The following MACROD2 variants were observed in gnomAD, a reference collection of about 807,000 sequenced individuals.
MACROD2 encodes the protein ADP-ribose glycohydrolase MACROD2.
In MACROD2, 36 loss-of-function variants were observed where a neutral mutation model predicts 70.4. The ratio of observed to expected loss-of-function variants is 0.51; its 90% CI spans 0.39 to 0.68. The LOEUF (loss-of-function observed/expected upper bound fraction) is 0.68, where lower values mean the gene tolerates loss of function less well. MACROD2 is among the 30% of genes least tolerant of loss of function. MACROD2 has a pLI of 0.00. For synonymous variants in MACROD2, 172 were observed against 178.8 expected (o/e 0.96, Z 0.30); for missense variants, 496 against 538.4 (o/e 0.92, Z 0.78).
At chr20:14,189,152 G>A (rs1320049833) in intron 3 of MACROD2, among the ~76,000 whole-genome samples, 1 of 151,650 alleles carries the variant, frequency 6.6e-6, no homozygotes, top group East Asian at 1.9e-4. Context: ...AAATTTAATG[G>A]TACATTATTA....
intron 3 of MACROD2, among the ~76,000 whole-genome samples, chr20:14,484,876 A>G (rs1296106613): frequency 1.3e-5 from 2 of 152,320 alleles, no homozygotes; most frequent in East Asian, 1.9e-4. Flanking sequence ...AATCTTGGCT[A>G]TTGTGAATAG....
In MACROD2 at chr20:15,886,373, G is replaced by A. The variant is rs562327611; in HGVS notation, c.775+562G>A. On this transcript the variant is annotated intron_variant, in intron 10 of 17. Coordinates refer to ENST00000684519, the MANE Select transcript of MACROD2 (RefSeq NM_001351661.2). The stretch of plus-strand genomic sequence containing the variant: ...CCAAAATGAGCTTCTCCTGGAAAAA[G>A]GGAGACACTGTATTCTCAGGCTTAG... 2.6e-5 allele frequency among the ~76,000 whole-genome samples: 4 copies of A among 152,232 alleles called. No homozygotes were observed. The South Asian group carries it at 8.3e-4, about 32-fold the overall frequency.
intron 8 of MACROD2, among the ~76,000 whole-genome samples, chr20:15,768,781 CT>C (rs2051571498): frequency 1.3e-5 from 2 of 152,068 alleles, no homozygotes; most frequent in African/African-American, 4.8e-5. Context: ...ATTCCGTAAG[CT>C]TTTTTCCATT....
chr20:15,800,671 AC>A (rs1282498917), intron 8 of MACROD2, among the ~76,000 whole-genome samples: 1 of 151,660 alleles, frequency 6.6e-6, no homozygotes, highest in Non-Finnish European at 1.5e-5. Context: ...CCCGGCCACC[AC>A]CCCGTCTGGG....
chr20:15,772,101 A>AAT (rs201468504), intron 8 of MACROD2, among the ~76,000 whole-genome samples: 48 of 91,416 alleles, frequency 5.3e-4, no homozygotes, highest in East Asian at 2.6e-3. Flanking sequence ...AAAAAAAAAA[A>AAT]ATATATATAT....
At position 14,838,051 on chromosome 20, in the gene MACROD2, T is replaced by C. The variant is rs757470802; in HGVS notation, c.418+153092T>C. 6.6e-5 allele frequency among the ~76,000 whole-genome samples: 10 copies of C among 152,096 alleles called. 1 individual carries two copies. Among genetic ancestry groups the C allele is most frequent in the Non-Finnish European group, 1.0e-4 (7 of 67,972 alleles). ...TTGGGCAAAAATAGTAGTTAACATA[T>C]GTAAAACAAGGAGAATTGTTCAAAG... On this transcript the variant is annotated intron_variant, in intron 5 of 17. Coordinates refer to ENST00000684519, the MANE Select transcript of MACROD2 (RefSeq NM_001351661.2).
intron 12 of MACROD2, among the ~76,000 whole-genome samples, chr20:15,953,825 C>T (rs865917170): frequency 1.3e-5 from 2 of 152,066 alleles, no homozygotes; most frequent in African/African-American, 4.8e-5. Context: ...TATTTGAAGT[C>T]GTTCCCTCAA....
At position 14,178,532 on chromosome 20, in the gene MACROD2, G is replaced by A. The variant is rs556414534; in HGVS notation, c.271+92804G>A. ...CTCATTTGTGAGAAAAACATATACA[G>A]GAGTTAATAGGTAAGACTCTGAAGA... is the stretch of plus-strand genomic sequence containing the variant. On this transcript the variant is annotated intron_variant, in intron 3 of 17. Coordinates refer to ENST00000684519, the MANE Select transcript of MACROD2 (RefSeq NM_001351661.2). 1.2e-4 allele frequency among the ~76,000 whole-genome samples: 18 copies of A among 152,192 alleles called. No individual in the cohort carries two copies. The East Asian group carries it at 2.3e-3, about 20-fold the overall frequency.
At chr20:14,528,421 T>G (rs927412337) in intron 4 of MACROD2, among the ~76,000 whole-genome samples, 22 of 151,972 alleles carry the variant, frequency 1.4e-4, no homozygotes, top group African/African-American at 5.3e-4. Context: ...CCCAAAGTGC[T>G]GGGATTACAG....
chr20:14,190,710 T>A (rs1279551407), intron 3 of MACROD2, among the ~76,000 whole-genome samples: 247 of 94,854 alleles, frequency 2.6e-3, no homozygotes, highest in South Asian at 5.5e-3. Context: ...TTTTTTTTTT[T>A]TTTTTTTTTT....
At chr20:15,241,828 T>A (rs1260770103) in intron 6 of MACROD2, among the ~76,000 whole-genome samples, 1 of 151,916 alleles carries the variant, frequency 6.6e-6, no homozygotes, top group East Asian at 1.9e-4. Context: ...CTTGGGCTAT[T>A]TGGCTACCCT....
chr20:15,719,901 T>C, intron 8 of MACROD2, among the ~76,000 whole-genome samples: 1 of 152,300 alleles, frequency 6.6e-6, no homozygotes, highest in South Asian at 2.1e-4. Context: ...ACTTACTCTT[T>C]TTTTCTAATT....
At chr20:14,751,966 T>C (rs913100467) in intron 5 of MACROD2, among the ~76,000 whole-genome samples, 21 of 152,012 alleles carry the variant, frequency 1.4e-4, no homozygotes, top group African/African-American at 5.1e-4. Flanking sequence ...AATACCCTCT[T>C]CCTGTGGCTT....
chr20:14,528,795 A>G (rs1390378855), intron 4 of MACROD2, among the ~76,000 whole-genome samples: 1 of 152,106 alleles, frequency 6.6e-6, no homozygotes. Context: ...ACAGTAATAG[A>G]ATAACCAACA....
At chr20:16,049,298 A>AT (rs755511473) in intron 17 of MACROD2, among the ~76,000 whole-genome samples, 13 of 152,054 alleles carry the variant, frequency 8.5e-5, no homozygotes, top group Admixed American at 3.3e-4. Flanking sequence ...TTATACCTCA[A>AT]TTTTAAAAAT....
chr20:15,358,822 T>A (rs1204559264), intron 6 of MACROD2, among the ~76,000 whole-genome samples: 1 of 151,806 alleles, frequency 6.6e-6, no homozygotes, highest in African/African-American at 2.4e-5. Flanking sequence ...TTTTTTTTTT[T>A]ACAAGGGCAT....
chr20:15,849,055 G>A (rs175806), intron 8 of MACROD2, among the ~76,000 whole-genome samples: 104,755 of 151,450 alleles, frequency 0.69, 38,084 homozygotes, highest in South Asian at 0.92. Flanking sequence ...TGCGTGTTGG[G>A]GGAGGTAGAG....
chr20:15,362,332 A>G (rs534382179), intron 6 of MACROD2, among the ~76,000 whole-genome samples: 147 of 152,144 alleles, frequency 9.7e-4, no homozygotes, highest in Non-Finnish European at 1.6e-3. Context: ...TTTATTGCAC[A>G]TGCCATGAGT....
chr20:15,978,831 A>C (rs76560446), intron 13 of MACROD2, among the ~76,000 whole-genome samples: 1,988 of 152,356 alleles, frequency 0.013, 44 homozygotes, highest in African/African-American at 0.046. Context: ...GGAGACTAGA[A>C]AGTGGGAAAA....
Sources: allele counts gnomAD v4.1 joint callset (sites outside exome capture counted in the v4.1 genomes callset), GRCh38; gene constraint gnomAD v4.1.1; transcripts MANE v1.5; gene names NCBI Gene and HGNC (gene_info 2026-07-23, HGNC 2026-07-21).